The following UMAD1 variants were observed in gnomAD, a reference collection of about 807,000 sequenced individuals.
The protein encoded by UMAD1 is UBAP1-MVB12-associated (UMA) domain containing 1.
Under a neutral mutation model 6.1 loss-of-function variants are expected in UMAD1, and 8 were observed. The ratio of observed to expected loss-of-function variants is 1.30; its 90% CI spans 0.76 to 2.35. The LOEUF is 2.35. UMAD1 is among the 30% of genes most tolerant of loss of function. The pLI is 0.00. For synonymous variants in UMAD1, 56 were observed against 31.4 expected (o/e 1.78, Z -2.61); for missense variants, 130 against 78.4 (o/e 1.66, Z -2.49).
chr7:7,755,899 T>G (rs989416928), intron 2 of UMAD1, among the ~76,000 whole-genome samples: 1 of 152,192 alleles, frequency 6.6e-6, no homozygotes, highest in Non-Finnish European at 1.5e-5. Flanking sequence ...CTCAAGGGAT[T>G]CTTATACAAG....
intron 3 of UMAD1, among the ~76,000 whole-genome samples, chr7:7,855,120 C>T (rs1783991372): frequency 6.6e-6 from 1 of 152,206 alleles, no homozygotes; most frequent in South Asian, 2.1e-4. Flanking sequence ...GGGTACAGCC[C>T]CTCCCAGCTG....
intron 2 of UMAD1, among the ~76,000 whole-genome samples, chr7:7,728,780 T>A (rs1461300025): frequency 6.6e-6 from 1 of 152,246 alleles, no homozygotes; most frequent in Non-Finnish European, 1.5e-5. Context: ...CAGTAGTCTT[T>A]TCACTATGTT....
intron 2 of UMAD1, among the ~76,000 whole-genome samples, chr7:7,681,350 C>G (rs1331551527): frequency 6.6e-6 from 1 of 152,106 alleles, no homozygotes; most frequent in Admixed American, 6.6e-5. Flanking sequence ...CACATCATGA[C>G]TTGAAATTCA....
Position 7,673,328 on chromosome 7 carries a change from CA to C in UMAD1, c.-43del, listed in dbSNP as rs2115108336. On this transcript the variant is annotated 5_prime_UTR_variant, in exon 2 of 4. Coordinates refer to ENST00000682710, the MANE Select transcript of UMAD1 (RefSeq NM_001302348.2). ...TTTCAGGTAGCAGCAGCAGCAGCAG[CA>C]GCAGCAGCAGCAGCAGCAGCAGCAG... The C allele has an allele frequency of 1.7e-6, 2 of 1,160,286 alleles. No homozygotes were observed. The highest frequency in any genetic ancestry group is 2.5e-6 in the Non-Finnish European group (2 of 815,472). The allele number at this position is 1,160,286 out of a possible 1,614,324, so 71.9% of individuals were successfully genotyped here.
chr7:7,791,862 A>C (rs1415071344), intron 2 of UMAD1, among the ~76,000 whole-genome samples: 2 of 152,354 alleles, frequency 1.3e-5, no homozygotes, highest in East Asian at 3.8e-4. Context: ...TCACATTTAA[A>C]ATCTAACATG....
intron 3 of UMAD1, among the ~76,000 whole-genome samples, chr7:7,815,215 G>A (rs4725038): frequency 0.57 from 86,193 of 151,902 alleles, 24,554 homozygotes; most frequent in East Asian, 0.62. Flanking sequence ...AGACAGACTT[G>A]TAGCTCAGAT....
chr7:7,808,978 A>G (rs1412403604), intron 3 of UMAD1, among the ~76,000 whole-genome samples: 1 of 151,964 alleles, frequency 6.6e-6, no homozygotes, highest in Non-Finnish European at 1.5e-5. Flanking sequence ...TTATATTAAG[A>G]AACTGGCACT....
intron 2 of UMAD1, among the ~76,000 whole-genome samples, chr7:7,795,484 A>T (rs1231211412): frequency 6.6e-6 from 1 of 152,218 alleles, no homozygotes; most frequent in African/African-American, 2.4e-5. Flanking sequence ...TGCAAGAAAG[A>T]ATTTGGGGTG....
At chr7:7,773,866 G>T (rs554766677) in intron 2 of UMAD1, among the ~76,000 whole-genome samples, 1 of 152,300 alleles carries the variant, frequency 6.6e-6, no homozygotes, top group South Asian at 2.1e-4. Flanking sequence ...TTCCAGCCTT[G>T]CAGCCCTGCC....
At chr7:7,717,053 T>C (rs1780928717) in intron 2 of UMAD1, among the ~76,000 whole-genome samples, 2 of 148,754 alleles carry the variant, frequency 1.3e-5, no homozygotes, top group African/African-American at 5.1e-5. Flanking sequence ...TCTTTCTTTC[T>C]TTTTTTCTTT....
At chr7:7,816,464 G>T (rs6463728) in intron 3 of UMAD1, among the ~76,000 whole-genome samples, 9 of 152,156 alleles carry the variant, frequency 5.9e-5, no homozygotes, top group Non-Finnish European at 1.3e-4. Flanking sequence ...AGATGAGGCC[G>T]GGAGAGGAAG....
At chr7:7,642,208 C>T (rs1293336928) in intron 1 of UMAD1, among the ~76,000 whole-genome samples, 3 of 152,144 alleles carry the variant, frequency 2.0e-5, no homozygotes, top group Non-Finnish European at 4.4e-5. Context: ...GCACATAGCT[C>T]ACTGCAGCCT....
At chr7:7,849,415 A>T (rs145539597) in intron 3 of UMAD1, among the ~76,000 whole-genome samples, 144 of 152,280 alleles carry the variant, frequency 9.5e-4, no homozygotes, top group African/African-American at 3.3e-3. Flanking sequence ...AGTTCACTAT[A>T]AAAGTAGTTG....
At chr7:7,823,568 A>C (rs1783283610) in intron 3 of UMAD1, among the ~76,000 whole-genome samples, 1 of 152,060 alleles carries the variant, frequency 6.6e-6, no homozygotes, top group Non-Finnish European at 1.5e-5. Flanking sequence ...TCATTTGTCC[A>C]CATGTCTTTT....
chr7:7,868,898 G>A lies in UMAD1; in HGVS notation c.157-8383G>A, dbSNP rs1274943283. On this transcript the variant is annotated intron_variant, in intron 3 of 3. Transcript: ENST00000682710. ...TGCCTAGAGTATCTGAAAAAGAAGG[G>A]GACCAGATCTAGTGCCATTCAAAAA... is the stretch of plus-strand genomic sequence containing the variant. 6.6e-5 allele frequency among the ~76,000 whole-genome samples: 10 copies of A among 152,174 alleles called. 1 individual carries two copies. Among genetic ancestry groups the A allele is most frequent in the Non-Finnish European group, 1.5e-5 (1 of 68,000 alleles).
intron 3 of UMAD1, 61 bp from the exon 4 acceptor site, chr7:7,877,220 T>C: frequency 2.9e-6 from 2 of 678,798 alleles, no homozygotes; most frequent in Non-Finnish European, 2.8e-6. Context: ...AATGCCACAT[T>C]TACCGTTATT....
intron 2 of UMAD1, among the ~76,000 whole-genome samples, chr7:7,732,482 G>T (rs1010638655): frequency 6.6e-6 from 1 of 152,056 alleles, no homozygotes; most frequent in Non-Finnish European, 1.5e-5. Context: ...CTTAATCTTT[G>T]TTGTATTTAT....
At chr7:7,837,616 A>T (rs1211613650) in intron 3 of UMAD1, among the ~76,000 whole-genome samples, 2 of 152,112 alleles carry the variant, frequency 1.3e-5, no homozygotes, top group Non-Finnish European at 2.9e-5. Context: ...ACTAGTGGAG[A>T]TTTAAAAAGG....
intron 2 of UMAD1, among the ~76,000 whole-genome samples, chr7:7,766,024 A>C (rs2115236894): frequency 6.6e-6 from 1 of 152,348 alleles, no homozygotes; most frequent in East Asian, 1.9e-4. Context: ...TGTAATCAGA[A>C]TTAGCCTTCT....
Sources: allele counts gnomAD v4.1 joint callset (sites outside exome capture counted in the v4.1 genomes callset), GRCh38; gene constraint gnomAD v4.1.1; transcripts MANE v1.5; gene names NCBI Gene and HGNC (gene_info 2026-07-23, HGNC 2026-07-21).